ZNF335: variants seen among roughly 807,000 people sequenced by gnomAD.
ZNF335 encodes NRC-interacting factor 1.
ZNF335 carries 84 observed loss-of-function variants against 145.6 expected under a neutral mutation model. The ratio of observed to expected loss-of-function variants is 0.58; its 90% CI spans 0.48 to 0.69. The LOEUF (loss-of-function observed/expected upper bound fraction) is 0.69, where lower values mean the gene tolerates loss of function less well. Among genes scored for constraint, ZNF335 ranks in the 30% least tolerant of loss-of-function variants. The probability of loss-of-function intolerance (pLI) is 0.00; values close to 1 mark genes in which losing one functional copy is unlikely to be tolerated. For synonymous variants in ZNF335, 761 were observed against 717.0 expected (o/e 1.06, Z -0.98); for missense variants, 1,865 against 1,809.7 (o/e 1.03, Z -0.55).
intron 1 of ZNF335, 161 bp from the exon 2 acceptor site, chr20:45,971,621 A>C (rs1380701273): frequency 3.2e-5 from 32 of 985,306 alleles, no homozygotes; most frequent in Non-Finnish European, 3.9e-5. Context: ...GCTCGGGAAA[A>C]ACTTGACGGA....
Position 45,948,837 on chromosome 20 carries a change from G to A in ZNF335, c.*116C>T, listed in dbSNP as rs545498223. The A allele has an allele frequency of 6.6e-7, 1 of 1,518,016 alleles. No homozygotes were observed. The highest frequency in any genetic ancestry group is 1.4e-5 in the African/African-American group (1 of 73,518). 94.0% of individuals were successfully genotyped at this position (1,518,016 alleles called of 1,614,324 possible). A position where few individuals can be genotyped will look rare whatever the true frequency, so the allele number is the denominator to read the frequency against. Reference sequence around the variant, plus strand: ...AGGTCTGGCTCCCTGGGAATGAGAGGATGCTGGCTATCCAGTATCTGGAGA... The same window carrying A: ...AGGTCTGGCTCCCTGGGAATGAGAGAATGCTGGCTATCCAGTATCTGGAGA... On this transcript the variant is annotated 3_prime_UTR_variant, in exon 28 of 28. Coordinates refer to ENST00000322927, the MANE Select transcript of ZNF335 (RefSeq NM_022095.4).
In ZNF335 at chr20:45,952,214, T is replaced by C; in HGVS notation, c.3122A>G (p.His1041Arg). Residue 1041 changes from histidine (H) to arginine (R), a missense_variant, in exon 20 of 28, where the codon CAC (histidine) becomes CGC (arginine). His to Arg is a conservative substitution (Grantham distance 29). Transcript: ENST00000322927. ...GCACTTGAAGGCACCAGGCCCAGCGTGGGCCCGCTTGTGACTCTCCATCTC... is the reference window on the plus strand; with the variant it reads ...GCACTTGAAGGCACCAGGCCCAGCGCGGGCCCGCTTGTGACTCTCCATCTC... Reference protein sequence around the residue: ...RAEMESHKRAHAGPGAFKCPD... With the variant: ...RAEMESHKRARAGPGAFKCPD... The C allele has an allele frequency of 6.2e-7, 1 of 1,612,998 alleles. No homozygotes were observed. Among genetic ancestry groups the C allele is most frequent in the Non-Finnish European group, 8.5e-7 (1 of 1,179,948 alleles).
At chr20:45,952,121 G>T (rs1194649987) in intron 20 of ZNF335, 26 bp downstream of exon 20, 1 of 1,562,966 alleles carries the variant, frequency 6.4e-7, no homozygotes, top group African/African-American at 1.4e-5. Flanking sequence ...AATGACAGCA[G>T]AGACACAGGA....
intron 3 of ZNF335, 37 bp from the exon 4 acceptor site, chr20:45,968,399 A>AG: frequency 6.3e-7 from 1 of 1,586,500 alleles, no homozygotes; most frequent in Non-Finnish European, 8.6e-7. Context: ...CCTCCTGGGG[A>AG]GGGGGTCCCA....
In ZNF335 at chr20:45,952,541, A is replaced by G. The variant is rs779736762; in HGVS notation, c.2815-20T>C. The G allele has an allele frequency of 5.6e-6, 9 of 1,604,912 alleles. No homozygotes were observed. The highest frequency in any genetic ancestry group is 7.7e-6 in the Non-Finnish European group (9 of 1,174,020). On this transcript the variant is annotated intron_variant, in intron 19 of 27. Coordinates refer to ENST00000322927, the MANE Select transcript of ZNF335 (RefSeq NM_022095.4). ...GGTGAGCTGTAGAGAGACAGGGAGC[A>G]TGAGGTACTGAGAAGGGGAGGGAGG... is the stretch of plus-strand genomic sequence containing the variant.
At chr20:45,953,541 T>G (rs1156750100) in intron 18 of ZNF335, 148 bp downstream of exon 18, 14 of 1,072,974 alleles carry the variant, frequency 1.3e-5, no homozygotes, top group Non-Finnish European at 1.7e-5. Flanking sequence ...GCTCTTGACC[T>G]CCTGAGAAGG....
At chr20:45,963,277 C>G (rs1426415532) in intron 9 of ZNF335, among the ~76,000 whole-genome samples, 196 bp downstream of exon 9, 1 of 152,206 alleles carries the variant, frequency 6.6e-6, no homozygotes, top group Non-Finnish European at 1.5e-5. Context: ...CTTCCCAGCC[C>G]CTCCCCACAT....
At chr20:45,968,394 T>A (rs148490233) in intron 3 of ZNF335, 32 bp from the exon 4 acceptor site, 1 of 1,592,946 alleles carries the variant, frequency 6.3e-7, no homozygotes. Flanking sequence ...TCACACCTCC[T>A]GGGGAGGGGG....
intron 7 of ZNF335, among the ~76,000 whole-genome samples, chr20:45,965,038 A>G (rs942837349): frequency 6.8e-6 from 1 of 147,178 alleles, no homozygotes; most frequent in South Asian, 2.1e-4. Context: ...CAAAATAATA[A>G]TAATAATAAT....
At position 45,960,233 on chromosome 20, in the gene ZNF335, C is replaced by A; in HGVS notation, c.1995G>T (p.Leu665=). The A allele has an allele frequency of 6.2e-7, 1 of 1,614,148 alleles. No individual in the cohort carries two copies. Among genetic ancestry groups the A allele is most frequent in the Non-Finnish European group, 8.5e-7 (1 of 1,180,018 alleles). The change falls in exon 14 of 28, where the codon CTG becomes CTT. Residue 665 remains leucine, a synonymous_variant. Coordinates refer to ENST00000322927, the MANE Select transcript of ZNF335 (RefSeq NM_022095.4). The stretch of plus-strand genomic sequence containing the variant: ...CTGTGTGCTTGACAGCCACATGGGA[C>A]AGCAAGAAGTCCTCTCGGAAGGTGC... ...PYRTFREDFL[L]SHVAVKHTGA... is the part of the protein sequence containing the mutation.
intron 7 of ZNF335, chr20:45,964,274 T>A: frequency 2.7e-6 from 1 of 368,732 alleles, no homozygotes; most frequent in Non-Finnish European, 4.9e-6. Flanking sequence ...CACGGCTCTG[T>A]CACTGACATG....
rs930352053 is a variant in ZNF335 at position 45,967,245 on chromosome 20, C to T, written c.955+249G>A. ...GCAACAGGGCGAGGACCTCCTCTCG[C>T]ACCTTTACTTGTATTCTATTTCTGT... On this transcript the variant is annotated intron_variant, in intron 6 of 27. Coordinates refer to ENST00000322927, the MANE Select transcript of ZNF335 (RefSeq NM_022095.4). The T allele has an allele frequency of 7.1e-6, 4 of 559,558 alleles. No homozygotes were observed. The African/African-American group carries it at 7.5e-5, about 11-fold the overall frequency. The allele number at this position is 559,558 out of a possible 1,614,324, so 34.7% of individuals were successfully genotyped here.
intron 15 of ZNF335, among the ~76,000 whole-genome samples, chr20:45,958,423 C>T (rs967730185): frequency 6.6e-6 from 1 of 152,176 alleles, no homozygotes; most frequent in Non-Finnish European, 1.5e-5. Flanking sequence ...AAGTGGCTGG[C>T]CAAGAATCCC....
chr20:45,966,544 T>G (rs944734977), intron 6 of ZNF335, among the ~76,000 whole-genome samples: 2 of 143,702 alleles, frequency 1.4e-5, no homozygotes, highest in South Asian at 4.4e-4. Flanking sequence ...TCTGTTTCTT[T>G]TTCTTTCTTT....
At chr20:45,955,397 T>C (rs1010844304) in intron 17 of ZNF335, among the ~76,000 whole-genome samples, 3 of 137,326 alleles carry the variant, frequency 2.2e-5, no homozygotes, top group Non-Finnish European at 4.7e-5. Context: ...TAATACCCAG[T>C]GTATTGGCAT....
Position 45,955,350 on chromosome 20 carries a change from C to CAAAAAAAAAAAAAAAAAA in ZNF335, c.2443-1420_2443-1403dup, listed in dbSNP as rs61555698. 4.3e-4 allele frequency among the ~76,000 whole-genome samples: 16 copies of CAAAAAAAAAAAAAAAAAA among 37,332 alleles called. 1 individual carries two copies. Among genetic ancestry groups the CAAAAAAAAAAAAAAAAAA allele is most frequent in the East Asian group, 2.0e-3 (2 of 1,016 alleles). 24.5% of individuals were successfully genotyped at this position (37,332 alleles called of 152,430 possible). A position where few individuals can be genotyped will look rare whatever the true frequency, so the allele number is the denominator to read the frequency against. Reference sequence around the variant, plus strand: ...TGGGCAACAGAGCAAGACTCTGTCTCAAAAAAAAAAAAAAAAAAAAGATTT... The same window carrying CAAAAAAAAAAAAAAAAAA: ...TGGGCAACAGAGCAAGACTCTGTCTCAAAAAAAAAAAAAAAAAAAAAAAAAAAAAAAAAAAAAAGATTT... On this transcript the variant is annotated intron_variant, in intron 17 of 27. Transcript: ENST00000322927.
In ZNF335 at chr20:45,952,260, C is replaced by T. The variant is rs768775097; in HGVS notation, c.3076G>A (p.Glu1026Lys). 8.1e-6 allele frequency: 13 copies of T among 1,613,274 alleles called. No individual in the cohort carries two copies. The highest frequency in any genetic ancestry group is 6.7e-5 in the East Asian group (3 of 44,900). Reference protein sequence around the residue: ...SKKFSCKICAEAFPGRAEMES... With the variant: ...SKKFSCKICAKAFPGRAEMES... ...ATCTCAGCTCGGCCAGGGAAGGCCTCGGCACAGATCTTGCAGGAAAACTTC... is the reference window on the plus strand; with the variant it reads ...ATCTCAGCTCGGCCAGGGAAGGCCTTGGCACAGATCTTGCAGGAAAACTTC... The change falls in exon 20 of 28, where the codon GAG becomes AAG. Residue 1026 changes from glutamate (E) to lysine (K), a missense_variant. Glu to Lys is a moderately conservative substitution (Grantham distance 56, BLOSUM62 1). Transcript: ENST00000322927.
chr20:45,952,180 G>A lies in ZNF335; in HGVS notation c.3156C>T (p.Cys1052=). ...AGPGAFKCPD[C]PFSARQWPEV... ...CGGGCCACTGGCGGGCACTGAAGGG[G>A]CAGTCGGGGCACTTGAAGGCACCAG... The change falls in exon 20 of 28, where the codon TGC becomes TGT. Residue 1052 remains cysteine, a synonymous_variant. Coordinates refer to ENST00000322927, the MANE Select transcript of ZNF335 (RefSeq NM_022095.4). 1 of 1,609,410 alleles carries A rather than the reference G, an allele frequency of 6.2e-7. No individual in the cohort carries two copies. The highest frequency in any genetic ancestry group is 1.3e-5 in the African/African-American group (1 of 75,028).
rs759680266 is a variant in ZNF335 at position 45,953,766 on chromosome 20, T to C, written c.2625A>G (p.Pro875=). ...DLPQITLAPG[P]FGGTGYSVIT... Reference sequence around the variant, plus strand: ...TGACACTGTAGCCAGTCCCACCAAATGGACCAGGTGCCAGGGTGATCTGCG... The same window carrying C: ...TGACACTGTAGCCAGTCCCACCAAACGGACCAGGTGCCAGGGTGATCTGCG... Residue 875 remains proline, a synonymous_variant, in exon 18 of 28, where the codon CCA becomes CCG. Coordinates refer to ENST00000322927, the MANE Select transcript of ZNF335 (RefSeq NM_022095.4). The C allele has an allele frequency of 1.6e-5, 26 of 1,613,946 alleles. No homozygotes were observed. In the East Asian group the frequency reaches 1.8e-4, roughly 11 times the overall value.
Sources: gnomAD v4.1 joint callset for allele counts (sites outside exome capture counted in the v4.1 genomes callset) on GRCh38, gnomAD v4.1.1 for gene constraint, MANE v1.5 for transcripts, NCBI Gene and HGNC (gene_info 2026-07-23, HGNC 2026-07-21) for gene names.